Variants in SPPL3 observed in about 807,000 individuals in gnomAD.
The protein encoded by SPPL3 is signal peptide peptidase like 3.
Under a neutral mutation model 42.4 loss-of-function variants are expected in SPPL3, and 5 were observed. That is an observed-to-expected ratio of 0.12 (90% CI 0.06 to 0.25). SPPL3 has a LOEUF of 0.25. Ranked by LOEUF, SPPL3 falls within the 10% of genes least tolerant of loss-of-function variation. The pLI is 1.00. For synonymous variants in SPPL3, 195 were observed against 181.8 expected, an observed-to-expected ratio of 1.07 and a Z score of -0.58; for missense variants, 235 against 489.0, an observed-to-expected ratio of 0.48 and a Z score of 4.90.
chr12:120,870,208 G>A (rs549614057), intron 1 of SPPL3, among the ~76,000 whole-genome samples: 1 of 152,232 alleles, frequency 6.6e-6, no homozygotes, highest in South Asian at 2.1e-4. Context: ...CACTTTGGGA[G>A]GCTGAGGCGG....
chr12:120,835,452 C>T (rs144696084), intron 1 of SPPL3: 1 of 152,174 alleles, frequency 6.6e-6, no homozygotes, highest in African/African-American at 2.4e-5. Context: ...TATAGATGAT[C>T]AAGAATTCTG....
intron 1 of SPPL3, among the ~76,000 whole-genome samples, chr12:120,887,978 CTA>C (rs1246410779): frequency 4.6e-5 from 7 of 152,318 alleles, no homozygotes; most frequent in African/African-American, 1.4e-4. Flanking sequence ...AAAACAGAAA[CTA>C]TGAGCCAGCA....
intron 1 of SPPL3, among the ~76,000 whole-genome samples, chr12:120,893,624 T>G (rs2137068136): frequency 6.6e-6 from 1 of 152,254 alleles, no homozygotes; most frequent in Non-Finnish European, 1.5e-5. Context: ...CTCTCAGTAA[T>G]GACTTCCTTT....
At chr12:120,785,755 G>A (rs542176254) in intron 3 of SPPL3, among the ~76,000 whole-genome samples, 29 of 151,376 alleles carry the variant, frequency 1.9e-4, no homozygotes, top group African/African-American at 6.3e-4. Context: ...AGGATCACTT[G>A]AGGCCAGGAG....
chr12:120,833,171 T>G (rs1871485523), intron 1 of SPPL3, among the ~76,000 whole-genome samples: 1 of 152,108 alleles, frequency 6.6e-6, no homozygotes, highest in African/African-American at 2.4e-5. Flanking sequence ...TCTGAAAATG[T>G]GAGATCCATT....
chr12:120,836,564 G>A lies in SPPL3; in HGVS notation c.24-25678C>T, dbSNP rs554374481. On this transcript the variant is annotated intron_variant, in intron 1 of 10. Transcript: ENST00000353487. Reference sequence around the variant, plus strand: ...ACAAAACCATCCCAACTGAGCCCCTGCCCAAATGCAGATCTGAAGAATCAT... The same window carrying A: ...ACAAAACCATCCCAACTGAGCCCCTACCCAAATGCAGATCTGAAGAATCAT... Among the ~76,000 whole-genome samples, 340 of 41,698 alleles carry A rather than the reference G, an allele frequency of 8.2e-3. 1 individual carries two copies. The highest frequency in any genetic ancestry group is 0.012 in the Non-Finnish European group (229 of 18,586). 27.4% of individuals were successfully genotyped at this position (41,698 alleles called of 152,430 possible).
intron 3 of SPPL3, among the ~76,000 whole-genome samples, chr12:120,789,459 A>AAAG (rs938526569): frequency 1.2e-4 from 18 of 151,106 alleles, no homozygotes; most frequent in African/African-American, 4.4e-4. Context: ...CTCAAAAAAA[A>AAAG]AAAGAAAAAA....
At chr12:120,876,624 A>AAAAAAAAAAAAAAG (rs1873100816) in intron 1 of SPPL3, among the ~76,000 whole-genome samples, 3 of 143,778 alleles carry the variant, frequency 2.1e-5, no homozygotes, top group African/African-American at 8.5e-5. Context: ...CTCAAAAAAA[A>AAAAAAAAAAAAAAG]AAAAAAAAAA....
At chr12:120,838,128 T>G (rs978629376) in intron 1 of SPPL3, among the ~76,000 whole-genome samples, 1 of 152,170 alleles carries the variant, frequency 6.6e-6, no homozygotes, top group African/African-American at 2.4e-5. Context: ...AGCTATAAAA[T>G]GCTTTACCAA....
chr12:120,765,083 G>A lies in SPPL3; in HGVS notation c.1084-13C>T. ...GCCGGAGGTCGCCCTGGGAAACAAG[G>A]GACTTTCTAAGTTACAGATTTAAAC... On this transcript the variant is annotated splice_polypyrimidine_tract_variant and intron_variant, in intron 10 of 10. Coordinates refer to ENST00000353487, the MANE Select transcript of SPPL3 (RefSeq NM_139015.5). 6 of 1,612,268 alleles carry A rather than the reference G, an allele frequency of 3.7e-6. No homozygotes were observed. Among genetic ancestry groups the A allele is most frequent in the South Asian group, 2.2e-5 (2 of 90,776 alleles).
intron 1 of SPPL3, among the ~76,000 whole-genome samples, chr12:120,886,486 C>T (rs1471964513): frequency 6.6e-6 from 1 of 152,122 alleles, no homozygotes; most frequent in Non-Finnish European, 1.5e-5. Flanking sequence ...CCAAAGCAGA[C>T]CTTGAACACC....
intron 1 of SPPL3, among the ~76,000 whole-genome samples, chr12:120,852,765 T>TATTTC (rs1872287021): frequency 2.6e-5 from 2 of 76,864 alleles, no homozygotes; most frequent in Admixed American, 1.9e-4. Flanking sequence ...TATATCTATG[T>TATTTC]ATATTATATA....
chr12:120,806,087 T>C (rs1267414652), intron 2 of SPPL3, among the ~76,000 whole-genome samples: 2 of 150,852 alleles, frequency 1.3e-5, no homozygotes, highest in Admixed American at 6.7e-5. Context: ...CCAGAAAAAT[T>C]TGTAAAAGAA....
At chr12:120,782,799 G>C in intron 5 of SPPL3, 32 bp from the exon 6 acceptor site, 1 of 1,501,782 alleles carries the variant, frequency 6.7e-7, no homozygotes, top group Non-Finnish European at 9.1e-7. Flanking sequence ...TTGGACAGTG[G>C]GCACACTTTA....
At chr12:120,878,016 T>C (rs1468810901) in intron 1 of SPPL3, among the ~76,000 whole-genome samples, 1 of 123,374 alleles carries the variant, frequency 8.1e-6, no homozygotes, top group Non-Finnish European at 1.8e-5. Flanking sequence ...AAGACTCTTG[T>C]CTTAAAAAAG....
chr12:120,805,432 T>C (rs1158718700), intron 2 of SPPL3, among the ~76,000 whole-genome samples: 1 of 152,206 alleles, frequency 6.6e-6, no homozygotes, highest in Non-Finnish European at 1.5e-5. Context: ...ACATACTTAA[T>C]GGGAAATGCT....
chr12:120,875,560 T>G (rs1460269442), intron 1 of SPPL3, among the ~76,000 whole-genome samples: 2 of 147,828 alleles, frequency 1.4e-5, no homozygotes, highest in Non-Finnish European at 3.0e-5. Flanking sequence ...ACCCCTGAGG[T>G]GAAGGTTGCA....
intron 6 of SPPL3, among the ~76,000 whole-genome samples, chr12:120,770,867 CAT>C (rs756913117): frequency 6.6e-5 from 10 of 152,212 alleles, no homozygotes; most frequent in Admixed American, 5.2e-4. Flanking sequence ...GCCTAAGAGA[CAT>C]ATATACTTGG....
intron 2 of SPPL3, among the ~76,000 whole-genome samples, chr12:120,806,572 G>A (rs1180489053): frequency 6.6e-6 from 1 of 152,200 alleles, no homozygotes; most frequent in Non-Finnish European, 1.5e-5. Flanking sequence ...AGGAGAGCCA[G>A]GCGCGGTGGC....
Sources: gnomAD v4.1 joint callset for allele counts (sites outside exome capture counted in the v4.1 genomes callset) on GRCh38, gnomAD v4.1.1 for gene constraint, MANE v1.5 for transcripts, NCBI Gene and HGNC (gene_info 2026-07-23, HGNC 2026-07-21) for gene names.